The following KIF5C variants were observed in gnomAD, a reference collection of about 807,000 sequenced individuals.
The protein encoded by KIF5C is kinesin family member 5C.
In KIF5C, 18 loss-of-function variants were observed where a neutral mutation model predicts 125.2. The observed-to-expected ratio is 0.14, with a 90% CI of 0.10 to 0.21. The LOEUF is 0.21. Ranked by LOEUF, KIF5C falls within the 10% of genes least tolerant of loss-of-function variation. The pLI, the probability that KIF5C is intolerant of heterozygous loss-of-function variation, is 1.00. For missense variants in KIF5C, 780 were observed against 1,183.8 expected (o/e 0.66, Z 5.01); for synonymous variants, 405 against 434.0 (o/e 0.93, Z 0.83).
At chr2:149,015,738 G>T (rs781163154) in intron 25 of KIF5C, among the ~76,000 whole-genome samples, 6 of 152,230 alleles carry the variant, frequency 3.9e-5, no homozygotes, top group Non-Finnish European at 5.9e-5. Context: ...ATGGGGCAGT[G>T]CAGTGCAACC....
intron 23 of KIF5C, among the ~76,000 whole-genome samples, chr2:149,008,857 G>T (rs1682091476): frequency 6.6e-6 from 1 of 152,098 alleles, no homozygotes; most frequent in African/African-American, 2.4e-5. Context: ...GAGGATGATA[G>T]ATTCTAGATA....
Position 148,961,991 on chromosome 2 carries a change from C to T in KIF5C, c.989C>T (p.Thr330Ile). 6.2e-7 allele frequency: 1 copy of T among 1,613,492 alleles called. No homozygotes were observed. The highest frequency in any genetic ancestry group is 8.5e-7 in the Non-Finnish European group (1 of 1,179,718). Residue 330 changes from threonine (T) to isoleucine (I), a missense_variant, in exon 11 of 26, where the codon ACA becomes ATA. Physicochemically the swap from Thr to Ile is moderately conservative, Grantham distance 89. Transcript: ENST00000435030. ...CCCAGAGCTAAGACCATCAAGAATA[C>T]AGTCTCTGTGAACCTAGAACTGACA... is the stretch of plus-strand genomic sequence containing the variant. ...FGQRAKTIKN[T>I]VSVNLELTAE... is the part of the protein sequence containing the mutation.
At chr2:148,934,908 G>A (rs368321506) in intron 3 of KIF5C, 5 of 230,822 alleles carry the variant, frequency 2.2e-5, no homozygotes, top group African/African-American at 9.5e-5. Flanking sequence ...ACACACACAC[G>A]TGCACACTCC....
chr2:148,983,830 A>G, intron 15 of KIF5C, 64 bp downstream of exon 15: 1 of 1,473,472 alleles, frequency 6.8e-7, no homozygotes, highest in Non-Finnish European at 9.0e-7. Flanking sequence ...TCTGTGCTTT[A>G]CTCTTTTAAG....
intron 17 of KIF5C, 30 bp from the exon 18 acceptor site, chr2:148,997,234 T>C: frequency 6.2e-7 from 1 of 1,606,902 alleles, no homozygotes; most frequent in South Asian, 1.1e-5. Context: ...ACCAGTTAAG[T>C]CTTAAATCAT....
At chr2:148,972,940 A>C (rs1680958229) in intron 11 of KIF5C, among the ~76,000 whole-genome samples, 1 of 152,210 alleles carries the variant, frequency 6.6e-6, no homozygotes, top group South Asian at 2.1e-4. Flanking sequence ...TAATTAATTC[A>C]TAATTAGGAT....
intron 1 of KIF5C, among the ~76,000 whole-genome samples, chr2:148,912,591 G>A (rs1181555778): frequency 6.6e-6 from 1 of 152,174 alleles, no homozygotes. Context: ...ACTAACAGGT[G>A]TGCACCACCA....
intron 1 of KIF5C, among the ~76,000 whole-genome samples, chr2:148,893,057 T>A (rs1681749863): frequency 6.6e-6 from 1 of 152,238 alleles, no homozygotes; most frequent in Non-Finnish European, 1.5e-5. Context: ...TCGTTCTTAA[T>A]CTTAGAACAA....
At position 148,949,811 on chromosome 2, in the gene KIF5C, G is replaced by C. The variant is rs754137430; in HGVS notation, c.715-28G>C. The C allele has an allele frequency of 1.9e-6, 3 of 1,611,198 alleles. No homozygotes were observed. In the Admixed American group the frequency reaches 5.0e-5, roughly 27 times the overall value. ...CTTTGTGCTTCTGCCGTCCTGTGCT[G>C]CTCACTGCTTTCTTTTCTCTCTGGT... On this transcript the variant is annotated intron_variant, in intron 8 of 25. Coordinates refer to ENST00000435030, the MANE Select transcript of KIF5C (RefSeq NM_004522.3).
intron 2 of KIF5C, among the ~76,000 whole-genome samples, chr2:148,928,759 T>TG (rs1163332802): frequency 1.3e-5 from 2 of 151,968 alleles, no homozygotes; most frequent in Non-Finnish European, 2.9e-5. Flanking sequence ...GTTTATAGAG[T>TG]GGGGCCCTTT....
chr2:148,946,885 AT>A lies in KIF5C; in HGVS notation c.590-10del. 6.2e-7 allele frequency: 1 copy of A among 1,610,746 alleles called. No individual in the cohort carries two copies. The highest frequency in any genetic ancestry group is 1.3e-5 in the African/African-American group (1 of 74,818). On this transcript the variant is annotated splice_polypyrimidine_tract_variant and intron_variant, in intron 7 of 25. Coordinates refer to ENST00000435030, the MANE Select transcript of KIF5C (RefSeq NM_004522.3). The stretch of plus-strand genomic sequence containing the variant: ...CATGTTCTTTGTAGAGCAGTAAACT[AT>A]TTTCCTTTTCAGACATGAATGAACA...
intron 1 of KIF5C, among the ~76,000 whole-genome samples, chr2:148,913,307 C>T (rs1446232238): frequency 6.6e-6 from 1 of 152,130 alleles, no homozygotes; most frequent in Non-Finnish European, 1.5e-5. Flanking sequence ...TTTTGCCTTC[C>T]ACATGGCCAT....
chr2:149,011,232 A>G (rs1427148706), intron 24 of KIF5C, among the ~76,000 whole-genome samples: 1 of 152,166 alleles, frequency 6.6e-6, no homozygotes, highest in African/African-American at 2.4e-5. Context: ...TCTGCATCCA[A>G]TTTCAGGGGC....
At chr2:148,891,755 T>G (rs1053745332) in intron 1 of KIF5C, among the ~76,000 whole-genome samples, 2 of 152,178 alleles carry the variant, frequency 1.3e-5, no homozygotes, top group Non-Finnish European at 2.9e-5. Flanking sequence ...TGGAGTGCAA[T>G]GGCGTGATCT....
chr2:149,017,868 AT>A (rs1682412666), intron 25 of KIF5C, among the ~76,000 whole-genome samples: 1 of 152,236 alleles, frequency 6.6e-6, no homozygotes, highest in African/African-American at 2.4e-5. Flanking sequence ...AAAACCACAA[AT>A]AAAAAGTCCA....
At chr2:148,984,481 T>G (rs1681324694) in intron 15 of KIF5C, among the ~76,000 whole-genome samples, 1 of 152,234 alleles carries the variant, frequency 6.6e-6, no homozygotes, top group African/African-American at 2.4e-5. Context: ...CTTGTTTCCT[T>G]TTCATAATCC....
At chr2:149,019,456 GACTTTGAA>G (rs1682465118) in intron 25 of KIF5C, among the ~76,000 whole-genome samples, 1 of 152,188 alleles carries the variant, frequency 6.6e-6, no homozygotes, top group Admixed American at 6.5e-5. Context: ...TATGGCAGAG[GACTTTGAA>G]ACTGGCAATC....
At chr2:149,016,313 T>C (rs1488693789) in intron 25 of KIF5C, among the ~76,000 whole-genome samples, 1 of 152,008 alleles carries the variant, frequency 6.6e-6, no homozygotes, top group African/African-American at 2.4e-5. Context: ...AAGGCCACTC[T>C]GGGCTGGACC....
At chr2:148,984,965 A>T (rs72866051) in intron 15 of KIF5C, among the ~76,000 whole-genome samples, 4,213 of 151,468 alleles carry the variant, frequency 0.028, 80 homozygotes, top group Non-Finnish European at 0.043. Context: ...TAATTTTTTT[A>T]TTATTATTAT....
Sources: allele counts gnomAD v4.1 joint callset (sites outside exome capture counted in the v4.1 genomes callset), GRCh38; gene constraint gnomAD v4.1.1; transcripts MANE v1.5; gene names NCBI Gene and HGNC (gene_info 2026-07-23, HGNC 2026-07-21).